The following ZFHX3 variants were observed in gnomAD, a reference collection of about 807,000 sequenced individuals.
ZFHX3 encodes the protein zinc finger homeobox protein 3.
Under a neutral mutation model 279.1 loss-of-function variants are expected in ZFHX3, and 42 were observed. The ratio of observed to expected loss-of-function variants is 0.15; its 90% confidence interval spans 0.12 to 0.19. The LOEUF (loss-of-function observed/expected upper bound fraction) is 0.19. Among genes scored for constraint, ZFHX3 ranks in the 10% least tolerant of loss-of-function variants. The probability of loss-of-function intolerance (pLI) is 1.00; values close to 1 mark genes in which losing one functional copy is unlikely to be tolerated. For missense variants in ZFHX3, 4,981 were observed against 4,754.0 expected, an observed-to-expected ratio of 1.05 and a Z score of -1.40; for synonymous variants, 2,293 against 1,957.8, an observed-to-expected ratio of 1.17 and a Z score of -4.52.
chr16:73,321,166 C>T (rs1339066102), intron 3 of ZFHX3, among the ~76,000 whole-genome samples: 1 of 152,214 alleles, frequency 6.6e-6, no homozygotes, highest in Non-Finnish European at 1.5e-5. Flanking sequence ...CCCCACATTT[C>T]TCCTGAGTCT....
At chr16:72,843,367 C>T (rs192733160) in intron 4 of ZFHX3, among the ~76,000 whole-genome samples, 5 of 151,840 alleles carry the variant, frequency 3.3e-5, no homozygotes, top group African/African-American at 1.2e-4. Flanking sequence ...AAAAATTAGC[C>T]GGGCGTGGTG....
At chr16:73,414,799 G>A (rs748825148) in intron 3 of ZFHX3, among the ~76,000 whole-genome samples, 4 of 152,162 alleles carry the variant, frequency 2.6e-5, no homozygotes, top group African/African-American at 4.8e-5. Context: ...TTGCGCCACC[G>A]CACTTTAGAC....
At chr16:72,990,060 G>A (rs1567621313) in intron 1 of ZFHX3, among the ~76,000 whole-genome samples, 1 of 152,006 alleles carries the variant, frequency 6.6e-6, no homozygotes, top group Non-Finnish European at 1.5e-5. Flanking sequence ...CAAGGTTTGG[G>A]TTTTTTTCCC....
At chr16:73,227,659 G>A (rs112468144) in intron 5 of ZFHX3, among the ~76,000 whole-genome samples, 1,956 of 151,794 alleles carry the variant, frequency 0.013, 36 homozygotes, top group African/African-American at 0.043. Context: ...GACCAGCCTG[G>A]GCAACATGGT....
At chr16:73,181,187 G>A (rs1967786526) in intron 5 of ZFHX3, among the ~76,000 whole-genome samples, 1 of 151,614 alleles carries the variant, frequency 6.6e-6, no homozygotes, top group Non-Finnish European at 1.5e-5. Context: ...TGCAACCACC[G>A]ACTCCCTGCT....
intron 2 of ZFHX3, among the ~76,000 whole-genome samples, chr16:73,548,578 CT>C (rs540187948): frequency 3.6e-4 from 55 of 152,026 alleles, no homozygotes; most frequent in Non-Finnish European, 6.5e-4. Flanking sequence ...ATGTACTTCA[CT>C]CTTTTGTTAG....
At chr16:73,147,859 G>A (rs1966874069) in intron 5 of ZFHX3, among the ~76,000 whole-genome samples, 1 of 152,068 alleles carries the variant, frequency 6.6e-6, no homozygotes, top group Non-Finnish European at 1.5e-5. Flanking sequence ...GTGACAGAGC[G>A]AGATCCTCTC....
intron 5 of ZFHX3, among the ~76,000 whole-genome samples, chr16:73,156,313 T>A (rs1263724709): frequency 6.6e-6 from 1 of 151,552 alleles, no homozygotes; most frequent in Non-Finnish European, 1.5e-5. Context: ...AAGAACTAGC[T>A]GATAGGTGGG....
chr16:73,546,208 C>T (rs1186358105), intron 2 of ZFHX3, among the ~76,000 whole-genome samples: 4 of 152,144 alleles, frequency 2.6e-5, no homozygotes, highest in African/African-American at 9.7e-5. Context: ...CTCCCTTTCC[C>T]CCACTACAAC....
At chr16:73,768,241 C>T (rs2053976182) in intron 1 of ZFHX3, among the ~76,000 whole-genome samples, 1 of 152,092 alleles carries the variant, frequency 6.6e-6, no homozygotes, top group Non-Finnish European at 1.5e-5. Flanking sequence ...TTTGTCAAAT[C>T]CAGCTGGAAA....
At position 72,796,335 on chromosome 16, in the gene ZFHX3, G is replaced by T. The variant is rs749013644; in HGVS notation, c.6347C>A (p.Pro2116Gln). 3 of 1,614,060 alleles carry T rather than the reference G, an allele frequency of 1.9e-6. No homozygotes were observed. The Admixed American group carries it at 5.0e-5, about 27-fold the overall frequency. Residue 2116 changes from proline to glutamine, a missense_variant, in exon 9 of 10, where the codon CCG becomes CAG. By Grantham distance (76) the Pro-to-Gln change is moderately conservative. Around this residue, in one of 7 missense-constraint regions of ZFHX3, gnomAD observed 1,751 missense variants for 1,770.0 expected, o/e 0.99. Transcript: ENST00000268489. The stretch of plus-strand genomic sequence containing the variant: ...CAGAGGCTCCACAGGTCCCAGCTGC[G>T]GGGGTAGCTGAGCCGGCAAGGTCTG... ...PLQTLPAQLP[P>Q]QLGPVEPLPA...
intron 4 of ZFHX3, among the ~76,000 whole-genome samples, chr16:73,283,270 T>C (rs192981367): frequency 1.3e-5 from 2 of 152,288 alleles, no homozygotes; most frequent in East Asian, 1.9e-4. Context: ...TCTGAGGTCA[T>C]TGCGCTTACT....
chr16:73,203,917 C>A (rs547859505), intron 5 of ZFHX3, among the ~76,000 whole-genome samples: 97 of 152,262 alleles, frequency 6.4e-4, no homozygotes, highest in African/African-American at 2.3e-3. Flanking sequence ...TGGAATTGTT[C>A]TAAGAATTAG....
chr16:73,816,629 TG>T (rs34986230), intron 1 of ZFHX3, among the ~76,000 whole-genome samples: 57,320 of 151,456 alleles, frequency 0.38, 11,172 homozygotes, highest in African/African-American at 0.48. Context: ...TTAAAAGAGA[TG>T]GGGGGGGAGA....
intron 4 of ZFHX3, among the ~76,000 whole-genome samples, chr16:72,863,341 A>C (rs1042253833): frequency 3.5e-5 from 1 of 28,942 alleles, no homozygotes; most frequent in Non-Finnish European, 7.8e-5. Context: ...CATCTCTACT[A>C]AAAAAAAAAA....
chr16:72,846,377 G>A (rs544236927), intron 4 of ZFHX3, among the ~76,000 whole-genome samples: 8 of 152,244 alleles, frequency 5.3e-5, no homozygotes, highest in African/African-American at 9.6e-5. Flanking sequence ...CTGGAAGAGC[G>A]CTGAGCGCTA....
At chr16:73,572,432 C>G (rs906339442) in intron 2 of ZFHX3, among the ~76,000 whole-genome samples, 1 of 152,222 alleles carries the variant, frequency 6.6e-6, no homozygotes, top group African/African-American at 2.4e-5. Context: ...CAGACCCAAG[C>G]TCCTGGCTTC....
chr16:73,668,125 G>C (rs8056327), intron 2 of ZFHX3, among the ~76,000 whole-genome samples: 91,382 of 151,950 alleles, frequency 0.6, 29,101 homozygotes, highest in East Asian at 0.84. Flanking sequence ...CTCTAAGCCA[G>C]TGCAGATCTA....
At chr16:72,963,475 A>T (rs191603620) in intron 1 of ZFHX3, among the ~76,000 whole-genome samples, 164 of 152,318 alleles carry the variant, frequency 1.1e-3, no homozygotes, top group Non-Finnish European at 1.1e-3. Flanking sequence ...TCTGCTTAGC[A>T]CTTAAATCTG....
Sources: gnomAD v4.1 joint callset for allele counts (sites outside exome capture counted in the v4.1 genomes callset) on GRCh38, gnomAD v4.1.1 for gene constraint, gnomAD v4.1.1 regional missense constraint, MANE v1.5 for transcripts, NCBI Gene and HGNC (gene_info 2026-07-23, HGNC 2026-07-21) for gene names.